ELP1: variants seen among roughly 807,000 people sequenced by gnomAD.
ELP1 encodes the protein elongator acetyltransferase complex subunit 1, also known as elongator complex protein 1.
Under a neutral mutation model 183.2 loss-of-function variants are expected in ELP1, and 131 were observed. That is an observed-to-expected ratio of 0.72 (90% CI 0.62 to 0.83). The LOEUF (loss-of-function observed/expected upper bound fraction) is 0.83, where lower values mean the gene tolerates loss of function less well. Ranked by LOEUF, ELP1 falls within the 40% of genes least tolerant of loss-of-function variation. The pLI is 0.00. For missense variants in ELP1, 1,550 were observed against 1,594.9 expected, an observed-to-expected ratio of 0.97 and a Z score of 0.48; for synonymous variants, 555 against 569.0, an observed-to-expected ratio of 0.98 and a Z score of 0.35.
chr9:108,880,982 C>G (rs1021552300), intron 31 of ELP1, among the ~76,000 whole-genome samples: 1 of 152,184 alleles, frequency 6.6e-6, no homozygotes, highest in African/African-American at 2.4e-5. Flanking sequence ...TTAAAATCAA[C>G]CACTCCCTAA....
chr9:108,922,797 A>G, intron 6 of ELP1, 45 bp downstream of exon 6: 1 of 1,455,840 alleles, frequency 6.9e-7, no homozygotes, highest in Non-Finnish European at 9.6e-7. Context: ...TGGCAAACTT[A>G]CATTTGTTCC....
At chr9:108,904,245 ATTTTT>A (rs57450962) in intron 14 of ELP1, among the ~76,000 whole-genome samples, 1 of 132,440 alleles carries the variant, frequency 7.6e-6, no homozygotes, top group Non-Finnish European at 1.6e-5. Flanking sequence ...AAATTTCACT[ATTTTT>A]TTTTTTTTTT....
intron 29 of ELP1, among the ~76,000 whole-genome samples, chr9:108,884,525 A>G (rs1439089545): frequency 6.6e-6 from 1 of 152,144 alleles, no homozygotes; most frequent in Non-Finnish European, 1.5e-5. Flanking sequence ...AATTTAAATT[A>G]ATAAAATGTA....
In ELP1 at chr9:108,879,497, C is replaced by G; in HGVS notation, c.3521G>C (p.Ser1174Thr). Reference protein sequence around the residue: ...DLFSETSSVVSGSEMSGKYSH... With the variant: ...DLFSETSSVVTGSEMSGKYSH... ...GTATTTGCCACTCATCTCACTGCCA[C>G]TCACGACACTGCTAGTTTCAGAGAA... Residue 1174 changes from serine to threonine, a missense_variant, in exon 33 of 37, where the codon AGT becomes ACT. Transcript: ENST00000374647. The G allele has an allele frequency of 6.2e-7, 1 of 1,614,208 alleles. No homozygotes were observed. Among genetic ancestry groups the G allele is most frequent in the South Asian group, 1.1e-5 (1 of 91,078 alleles).
chr9:108,879,442 G>C lies in ELP1; in HGVS notation c.3572+4C>G. The C allele has an allele frequency of 1.9e-6, 3 of 1,590,820 alleles. No individual in the cohort carries two copies. The highest frequency in any genetic ancestry group is 2.6e-6 in the Non-Finnish European group (3 of 1,158,808). ...TCAATGTGCTGAATCAATGTGATAC[G>C]TACGCTGATATCCTGGAGTTACTAT... On this transcript the variant is annotated splice_donor_region_variant and intron_variant, in intron 33 of 36. Coordinates refer to ENST00000374647, the MANE Select transcript of ELP1 (RefSeq NM_003640.5).
intron 29 of ELP1, among the ~76,000 whole-genome samples, chr9:108,884,638 G>A (rs1298124154): frequency 6.6e-6 from 1 of 152,080 alleles, no homozygotes; most frequent in African/African-American, 2.4e-5. Flanking sequence ...ATAAGCCAAG[G>A]TTCAATAAAG....
intron 28 of ELP1, among the ~76,000 whole-genome samples, chr9:108,890,583 CT>C (rs1828284486): frequency 6.6e-6 from 1 of 152,206 alleles, no homozygotes; most frequent in African/African-American, 2.4e-5. Flanking sequence ...ACTAGAGCCC[CT>C]GGTACCAGCC....
At chr9:108,879,342 C>A in intron 33 of ELP1, 104 bp downstream of exon 33, 1 of 815,930 alleles carries the variant, frequency 1.2e-6, no homozygotes, top group East Asian at 2.6e-5. Context: ...AGAATATTCT[C>A]CCCACTCCCA....
chr9:108,924,904 C>T (rs111732210), intron 5 of ELP1, among the ~76,000 whole-genome samples: 40 of 152,282 alleles, frequency 2.6e-4, no homozygotes, highest in African/African-American at 4.3e-4. Context: ...ACCTTACATA[C>T]GCAAAGCCTA....
chr9:108,879,544 G>A lies in ELP1; in HGVS notation c.3474C>T (p.Pro1158=), dbSNP rs146956297. ...AGAAGAGGTCTGACTCTTGCCCGTG[G>A]GGTACCTCATCATCTAGAAAAGAAG... ...AQQAGLDDEV[P]HGQESDLFSE... The change falls in exon 33 of 37, where the codon CCC becomes CCT. Residue 1158 remains proline, a synonymous_variant. Coordinates refer to ENST00000374647, the MANE Select transcript of ELP1 (RefSeq NM_003640.5). The A allele has an allele frequency of 3.3e-4, 537 of 1,613,474 alleles. 1 individual carries two copies. Among genetic ancestry groups the A allele is most frequent in the South Asian group, 1.5e-3 (141 of 91,070 alleles).
At chr9:108,930,329 A>C (rs1587927373) in intron 2 of ELP1, among the ~76,000 whole-genome samples, 1 of 152,220 alleles carries the variant, frequency 6.6e-6, no homozygotes, top group Non-Finnish European at 1.5e-5. Flanking sequence ...TTTAAAGTAC[A>C]TATAGTTAGG....
At chr9:108,917,727 T>C (rs1156905647) in intron 8 of ELP1, 57 bp from the exon 9 acceptor site, 2 of 1,589,750 alleles carry the variant, frequency 1.3e-6, no homozygotes. Flanking sequence ...AAAGAATAGA[T>C]AAAATCCAGA....
rs1413966385 is a variant in ELP1 at position 108,927,592 on chromosome 9, T to C, written c.304-139A>G. 19 of 727,640 alleles carry C rather than the reference T, an allele frequency of 2.6e-5. 1 individual carries two copies. In the Admixed American group the frequency reaches 3.8e-4, roughly 15 times the overall value. 45.1% of individuals were successfully genotyped at this position (727,640 alleles called of 1,614,324 possible). A position where few individuals can be genotyped will look rare whatever the true frequency, so the allele number is the denominator to read the frequency against. On this transcript the variant is annotated intron_variant, in intron 3 of 36. Coordinates refer to ENST00000374647, the MANE Select transcript of ELP1 (RefSeq NM_003640.5). The stretch of plus-strand genomic sequence containing the variant: ...GAAGAGATATCTGCACTCTCATGTT[T>C]GTTGCAGCTCTGTTCACAATAGCTA...
intron 5 of ELP1, among the ~76,000 whole-genome samples, chr9:108,923,273 A>AT (rs1165241042): frequency 4.6e-5 from 7 of 152,152 alleles, no homozygotes; most frequent in Non-Finnish European, 8.8e-5. Flanking sequence ...TCAAGAGACT[A>AT]AAGTAGGAGG....
At position 108,896,989 on chromosome 9, in the gene ELP1, GT is replaced by G; in HGVS notation, c.2550del (p.Glu850AspfsTer23). ...TGTACTTTTTGCAGTACAATTTCCA[GT>G]TCTGGGGTTGTCTTCTTTACATGAG... is the stretch of plus-strand genomic sequence containing the variant. ...LTSHVKKTTP[E>X]LEIVLQKVHE... is the part of the protein sequence containing the mutation. On this transcript the variant is annotated frameshift_variant, in exon 24 of 37. Coordinates refer to ENST00000374647, the MANE Select transcript of ELP1 (RefSeq NM_003640.5). LOFTEE classifies it high-confidence loss of function. 1.2e-6 allele frequency: 2 copies of G among 1,614,146 alleles called. No homozygotes were observed. The highest frequency in any genetic ancestry group is 1.7e-6 in the Non-Finnish European group (2 of 1,180,014).
In ELP1 at chr9:108,919,912, G is replaced by A. The variant is rs557091004; in HGVS notation, c.553-563C>T. Among the ~76,000 whole-genome samples the A allele has an allele frequency of 4.4e-4, 67 of 152,220 alleles. 1 individual carries two copies. The highest frequency in any genetic ancestry group is 3.4e-3 in the Middle Eastern group (1 of 294). On this transcript the variant is annotated intron_variant, in intron 6 of 36. Coordinates refer to ENST00000374647, the MANE Select transcript of ELP1 (RefSeq NM_003640.5). The stretch of plus-strand genomic sequence containing the variant: ...TCTCAATCCTGAAGCCAACTCTACC[G>A]GGTGGGAGACAGATGACCACCCGGG...
At chr9:108,906,672 G>A (rs925441573) in intron 13 of ELP1, among the ~76,000 whole-genome samples, 187 bp from the exon 14 acceptor site, 3 of 152,082 alleles carry the variant, frequency 2.0e-5, no homozygotes, top group East Asian at 1.9e-4. Context: ...TTAAGAATAC[G>A]TTTTTATATT....
At chr9:108,905,479 C>G (rs185435269) in intron 14 of ELP1, among the ~76,000 whole-genome samples, 3 of 151,988 alleles carry the variant, frequency 2.0e-5, no homozygotes, top group African/African-American at 7.2e-5. Flanking sequence ...AAACTCAGGC[C>G]CAGAGAACAG....
intron 34 of ELP1, 147 bp downstream of exon 34, chr9:108,878,476 T>C: frequency 9.5e-7 from 1 of 1,052,570 alleles, no homozygotes; most frequent in Non-Finnish European, 1.5e-6. Flanking sequence ...CAGGAATGTG[T>C]GCAGACATGA....
Sources: gnomAD v4.1 joint callset for allele counts (sites outside exome capture counted in the v4.1 genomes callset) on GRCh38, gnomAD v4.1.1 for gene constraint, MANE v1.5 for transcripts, NCBI Gene and HGNC (gene_info 2026-07-23, HGNC 2026-07-21) for gene names.